EPM2A: variants seen among roughly 807,000 people sequenced by gnomAD.
EPM2A encodes EPM2A glucan phosphatase, laforin, also known as laforin.
In EPM2A, 21 loss-of-function variants were observed where a neutral mutation model predicts 26.5. That is an observed-to-expected ratio of 0.79 (90% CI 0.56 to 1.14). The LOEUF is 1.14. Ranked by LOEUF, EPM2A falls within the 50% of genes most tolerant of loss-of-function variation. The probability of loss-of-function intolerance (pLI) is 0.00; values close to 1 mark genes in which losing one functional copy is unlikely to be tolerated. For synonymous variants in EPM2A, 217 were observed against 177.6 expected (o/e 1.22, Z -1.76); for missense variants, 458 against 440.8 (o/e 1.04, Z -0.35).
intron 1 of EPM2A, among the ~76,000 whole-genome samples, chr6:145,693,639 A>G (rs573428208): frequency 1.3e-5 from 2 of 152,114 alleles, no homozygotes; most frequent in African/African-American, 4.8e-5. Flanking sequence ...CAATATGTCC[A>G]TGTAACAAAA....
downstream of EPM2A, among the ~76,000 whole-genome samples, chr6:145,622,245 G>A (rs1775653551): frequency 1.3e-5 from 2 of 152,130 alleles, no homozygotes; most frequent in African/African-American, 4.8e-5. Flanking sequence ...TTTTCTGTCT[G>A]TCTCTGACTA....
chr6:145,520,231 CTT>C (rs1323215645), intron 2 of EPM2A, among the ~76,000 whole-genome samples: 1 of 152,014 alleles, frequency 6.6e-6, no homozygotes, highest in Non-Finnish European at 1.5e-5. Context: ...TACTTTTTCT[CTT>C]TTCCATTCAC....
chr6:145,603,896 T>C (rs1781448939), intron 2 of EPM2A, among the ~76,000 whole-genome samples: 1 of 152,186 alleles, frequency 6.6e-6, no homozygotes, highest in African/African-American at 2.4e-5. Context: ...AAGAAGCTAT[T>C]CTAGAGATGA....
At chr6:145,455,591 C>G (rs538052794) in intron 4 of EPM2A, among the ~76,000 whole-genome samples, 220 of 152,270 alleles carry the variant, frequency 1.4e-3, no homozygotes, top group African/African-American at 4.9e-3. Flanking sequence ...CTCCTGACCT[C>G]AGGTGATCCA....
At chr6:145,735,174 G>T (rs1382953664) in intron 1 of EPM2A, 24 bp downstream of exon 1, 2 of 1,469,618 alleles carry the variant, frequency 1.4e-6, no homozygotes, top group South Asian at 2.5e-5. Flanking sequence ...CTCTGCGCCG[G>T]GGGCAGGCGT....
chr6:145,668,416 C>G (rs1463801117), intron 2 of EPM2A, among the ~76,000 whole-genome samples: 1 of 152,150 alleles, frequency 6.6e-6, no homozygotes, highest in Non-Finnish European at 1.5e-5. Flanking sequence ...AAAAAGGTTT[C>G]AGGTCCTTTT....
At chr6:145,655,987 A>G (rs1778250630) in intron 2 of EPM2A, among the ~76,000 whole-genome samples, 1 of 152,202 alleles carries the variant, frequency 6.6e-6, no homozygotes, top group African/African-American at 2.4e-5. Context: ...CAATCCAAAG[A>G]TTCATCTAAG....
At chr6:145,630,424 C>A (rs1447348768) in intron 3 of EPM2A, 1 of 151,916 alleles carries the variant, frequency 6.6e-6, no homozygotes, top group African/African-American at 2.4e-5. Context: ...ACCAGTCTGG[C>A]CAACATGGTA....
At chr6:145,463,970 TC>T (rs997327652) in intron 4 of EPM2A, among the ~76,000 whole-genome samples, 1 of 152,112 alleles carries the variant, frequency 6.6e-6, no homozygotes, top group Admixed American at 6.6e-5. Context: ...GGGGGCTGTT[TC>T]CCCCATGCTG....
chr6:145,487,552 G>T (rs1467250422), intron 4 of EPM2A, among the ~76,000 whole-genome samples: 1 of 152,126 alleles, frequency 6.6e-6, no homozygotes, highest in African/African-American at 2.4e-5. Context: ...GTGTGAGATG[G>T]TATCACATGG....
At chr6:145,416,633 C>A (rs1049200262) in intron 4 of EPM2A, among the ~76,000 whole-genome samples, 1 of 152,158 alleles carries the variant, frequency 6.6e-6, no homozygotes, top group Non-Finnish European at 1.5e-5. Context: ...ACAGTTTGCA[C>A]ATGGCAGCTT....
At chr6:145,598,314 C>A (rs1379180303) in intron 2 of EPM2A, among the ~76,000 whole-genome samples, 1 of 152,060 alleles carries the variant, frequency 6.6e-6, no homozygotes, top group Non-Finnish European at 1.5e-5. Context: ...ATACATTTCC[C>A]TAATGATCAG....
At chr6:145,543,981 A>T (rs943558665) in intron 2 of EPM2A, among the ~76,000 whole-genome samples, 2 of 152,246 alleles carry the variant, frequency 1.3e-5, no homozygotes, top group African/African-American at 4.8e-5. Flanking sequence ...ACAATTAGCT[A>T]TAATTAATCT....
At chr6:145,442,351 T>C (rs1779075496) in intron 4 of EPM2A, among the ~76,000 whole-genome samples, 1 of 152,198 alleles carries the variant, frequency 6.6e-6, no homozygotes, top group African/African-American at 2.4e-5. Context: ...GATAAAGACA[T>C]ACCCAAGATT....
chr6:145,704,895 C>G (rs2128627921), intron 1 of EPM2A, among the ~76,000 whole-genome samples: 1 of 152,258 alleles, frequency 6.6e-6, no homozygotes, highest in Non-Finnish European at 1.5e-5. Flanking sequence ...CTAAATAATG[C>G]TTTTTTCCTC....
chr6:145,440,096 G>A (rs886182800), intron 4 of EPM2A, among the ~76,000 whole-genome samples: 2 of 152,168 alleles, frequency 1.3e-5, no homozygotes, highest in African/African-American at 4.8e-5. Flanking sequence ...TTTTCATGCT[G>A]CTAATGAAGA....
intron 1 of EPM2A, among the ~76,000 whole-genome samples, chr6:145,701,517 G>A (rs751083973): frequency 2.0e-5 from 3 of 152,148 alleles, no homozygotes; most frequent in Non-Finnish European, 2.9e-5. Flanking sequence ...AAGCATTCCT[G>A]AGAGCCTTGC....
At chr6:145,547,379 G>A (rs1013202848) in intron 2 of EPM2A, among the ~76,000 whole-genome samples, 5 of 151,940 alleles carry the variant, frequency 3.3e-5, no homozygotes, top group Non-Finnish European at 7.4e-5. Flanking sequence ...CCAGGCTCTG[G>A]TCACTACAGT....
chr6:145,639,615 T>G (rs1776940917), intron 2 of EPM2A: 1 of 152,064 alleles, frequency 6.6e-6, no homozygotes, highest in Non-Finnish European at 1.5e-5. Context: ...AATATGGAGA[T>G]GAGAAAAAAT....
Sources: allele counts gnomAD v4.1 joint callset (sites outside exome capture counted in the v4.1 genomes callset), GRCh38; gene constraint gnomAD v4.1.1; transcripts MANE v1.5; gene names NCBI Gene and HGNC (gene_info 2026-07-23, HGNC 2026-07-21).